The following CTNND2 variants were observed in gnomAD, a reference collection of about 807,000 sequenced individuals.
The protein encoded by CTNND2 is catenin delta-2.
Under a neutral mutation model 144.4 loss-of-function variants are expected in CTNND2, and 22 were observed. The observed-to-expected ratio is 0.15, with a 90% CI of 0.11 to 0.22. The LOEUF (loss-of-function observed/expected upper bound fraction) is 0.22. Ranked by LOEUF, CTNND2 falls within the 10% of genes least tolerant of loss-of-function variation. The pLI is 1.00. For missense variants in CTNND2, 1,353 were observed against 1,618.8 expected (o/e 0.84, Z 2.82); for synonymous variants, 751 against 695.6 (o/e 1.08, Z -1.25).
chr5:11,246,908 A>C (rs1219494198), intron 9 of CTNND2, among the ~76,000 whole-genome samples: 2 of 152,130 alleles, frequency 1.3e-5, no homozygotes, highest in African/African-American at 4.8e-5. Flanking sequence ...AAGAGAAGTG[A>C]GTCCCGGGCC....
chr5:11,378,104 G>C lies in CTNND2; in HGVS notation c.1177+6561C>G, dbSNP rs374457148. On this transcript the variant is annotated intron_variant, in intron 7 of 21. Coordinates refer to ENST00000304623, the MANE Select transcript of CTNND2 (RefSeq NM_001332.4). ...TATGGATTCCCTACTATAACATGGGGTCCTGGAATTCCAGAGGGTAAGTGG... is the reference window on the plus strand; with the variant it reads ...TATGGATTCCCTACTATAACATGGGCTCCTGGAATTCCAGAGGGTAAGTGG... Among the ~76,000 whole-genome samples, 154 of 152,272 alleles carry C rather than the reference G, an allele frequency of 1.0e-3. 4 individuals carry two copies. In the South Asian group the frequency reaches 0.031, roughly 31 times the overall value.
At chr5:11,792,048 C>CCAAGTCA (rs1246509258) in intron 1 of CTNND2, among the ~76,000 whole-genome samples, 10 of 152,112 alleles carry the variant, frequency 6.6e-5, no homozygotes, top group African/African-American at 2.4e-4. Flanking sequence ...TATGATGAAG[C>CCAAGTCA]TATTCTAACT....
rs1292296337 is a variant in CTNND2 at position 11,777,092 on chromosome 5, T to C, written c.38-44820A>G. ...ACACTTTCTATTTCAAATAAATAAT[T>C]GTATAAGCAAGTTCTCACTTTCAAT... On this transcript the variant is annotated intron_variant, in intron 1 of 21. Coordinates refer to ENST00000304623, the MANE Select transcript of CTNND2 (RefSeq NM_001332.4). Among the ~76,000 whole-genome samples the C allele has an allele frequency of 7.2e-5, 11 of 152,236 alleles. No homozygotes were observed. The East Asian group carries it at 2.1e-3, about 29-fold the overall frequency.
chr5:11,121,321 T>C (rs1754117234), intron 12 of CTNND2, among the ~76,000 whole-genome samples: 1 of 152,200 alleles, frequency 6.6e-6, no homozygotes, highest in African/African-American at 2.4e-5. Context: ...TCCCTCCCAT[T>C]GTACTTAAAC....
At chr5:11,684,476 G>GA (rs923743624) in intron 2 of CTNND2, among the ~76,000 whole-genome samples, 3 of 152,038 alleles carry the variant, frequency 2.0e-5, no homozygotes, top group South Asian at 4.2e-4. Context: ...TTGTTTCATT[G>GA]AAAAAAATGA....
intron 3 of CTNND2, among the ~76,000 whole-genome samples, chr5:11,468,836 G>A (rs1333489679): frequency 2.0e-5 from 3 of 152,070 alleles, no homozygotes; most frequent in Non-Finnish European, 4.4e-5. Flanking sequence ...CATTTTCAGT[G>A]GGGTGTTCTC....
intron 3 of CTNND2, among the ~76,000 whole-genome samples, chr5:11,481,106 A>T (rs1768220697): frequency 6.6e-6 from 1 of 152,150 alleles, no homozygotes; most frequent in Admixed American, 6.6e-5. Context: ...ACACTCATAA[A>T]CCCATTGGCA....
At chr5:11,880,903 A>G (rs1279589762) in intron 1 of CTNND2, among the ~76,000 whole-genome samples, 2 of 147,534 alleles carry the variant, frequency 1.4e-5, no homozygotes, top group African/African-American at 2.5e-5. Flanking sequence ...TACCATTACT[A>G]CTACTACCAC....
At chr5:11,055,897 G>T (rs867587101) in intron 16 of CTNND2, among the ~76,000 whole-genome samples, 1 of 152,358 alleles carries the variant, frequency 6.6e-6, no homozygotes. Context: ...ATGTCTCTGT[G>T]TGCTGAGGAC....
chr5:11,839,577 A>C (rs1447528608), intron 1 of CTNND2, among the ~76,000 whole-genome samples: 1 of 152,170 alleles, frequency 6.6e-6, no homozygotes, highest in Non-Finnish European at 1.5e-5. Context: ...GACAGCCCAC[A>C]TGTTTGATGC....
chr5:11,404,711 A>G (rs554179695), intron 5 of CTNND2, among the ~76,000 whole-genome samples: 1 of 134,442 alleles, frequency 7.4e-6, no homozygotes, highest in African/African-American at 2.7e-5. Context: ...TCTGCTTCCC[A>G]GGTTCAAGCG....
In CTNND2 at chr5:11,889,145, C is replaced by T. The variant is rs528356141; in HGVS notation, c.37+14672G>A. ...CCCTTTTCCTTCTTTCTGTAAGACT[C>T]AAAGCCAAAAGCTGGAGTAACTAGA... On this transcript the variant is annotated intron_variant, in intron 1 of 21. Coordinates refer to ENST00000304623, the MANE Select transcript of CTNND2 (RefSeq NM_001332.4). Among the ~76,000 whole-genome samples, 753 of 152,236 alleles carry T rather than the reference C, an allele frequency of 4.9e-3. 7 individuals are homozygous for T. Among genetic ancestry groups the T allele is most frequent in the African/African-American group, 0.015 (639 of 41,538 alleles).
chr5:11,179,135 C>A (rs1409747041), intron 11 of CTNND2, among the ~76,000 whole-genome samples: 1 of 151,936 alleles, frequency 6.6e-6, no homozygotes, highest in African/African-American at 2.4e-5. Flanking sequence ...AAAGATACAG[C>A]AGAGCAATTA....
chr5:10,996,683 C>G (rs1376259127), intron 18 of CTNND2, among the ~76,000 whole-genome samples: 1 of 152,128 alleles, frequency 6.6e-6, no homozygotes, highest in Non-Finnish European at 1.5e-5. Context: ...GCTGCAAACT[C>G]CACCTCCTGG....
intron 9 of CTNND2, among the ~76,000 whole-genome samples, chr5:11,280,627 A>G (rs32100): frequency 0.68 from 103,793 of 152,110 alleles, 36,801 homozygotes; most frequent in African/African-American, 0.88. Flanking sequence ...ATACACTCAT[A>G]GAGGGGAGTT....
chr5:11,202,215 T>A (rs910147855), intron 10 of CTNND2, among the ~76,000 whole-genome samples: 4 of 152,216 alleles, frequency 2.6e-5, no homozygotes, highest in Non-Finnish European at 4.4e-5. Flanking sequence ...TTATAATTAA[T>A]ATTCCTAATT....
intron 11 of CTNND2, among the ~76,000 whole-genome samples, chr5:11,186,258 A>C (rs1735615655): frequency 6.6e-6 from 1 of 152,192 alleles, no homozygotes; most frequent in Non-Finnish European, 1.5e-5. Flanking sequence ...ACACTCTCTG[A>C]TCGGTGTACA....
intron 1 of CTNND2, among the ~76,000 whole-genome samples, chr5:11,786,761 T>C (rs1255387473): frequency 5.3e-5 from 8 of 152,208 alleles, no homozygotes; most frequent in Non-Finnish European, 8.8e-5. Context: ...TACACACTTA[T>C]CTTGAATTAT....
chr5:11,281,461 T>C (rs1002495213), intron 9 of CTNND2, among the ~76,000 whole-genome samples: 1 of 152,220 alleles, frequency 6.6e-6, no homozygotes, highest in Admixed American at 6.5e-5. Context: ...CACGAAGCAA[T>C]GGCCAATGGC....
Sources: allele counts gnomAD v4.1 joint callset (sites outside exome capture counted in the v4.1 genomes callset), GRCh38; gene constraint gnomAD v4.1.1; transcripts MANE v1.5; gene names NCBI Gene and HGNC (gene_info 2026-07-23, HGNC 2026-07-21).